The following INO80D variants were observed in gnomAD, a reference collection of about 807,000 sequenced individuals.
INO80D encodes the protein INO80 complex subunit D.
Under a neutral mutation model 87.6 loss-of-function variants are expected in INO80D, and 21 were observed. The ratio of observed to expected loss-of-function variants is 0.24; its 90% CI spans 0.17 to 0.35. INO80D has a LOEUF of 0.35. Among genes scored for constraint, INO80D ranks in the 10% least tolerant of loss-of-function variants. The pLI, the probability that INO80D is intolerant of heterozygous loss-of-function variation, is 1.00. For synonymous variants in INO80D, 440 were observed against 491.0 expected (o/e 0.90, Z 1.37); for missense variants, 982 against 1,280.7 (o/e 0.77, Z 3.56).
chr2:206,058,027 A>T (rs1202711434), intron 3 of INO80D, among the ~76,000 whole-genome samples: 3 of 152,002 alleles, frequency 2.0e-5, no homozygotes, highest in Non-Finnish European at 4.4e-5. Context: ...TGTTGATGTC[A>T]TGTTTTCCTG....
At chr2:206,018,353 C>T (rs1180809386) in intron 7 of INO80D, among the ~76,000 whole-genome samples, 2 of 152,112 alleles carry the variant, frequency 1.3e-5, no homozygotes, top group East Asian at 3.9e-4. Flanking sequence ...ACCATATTGG[C>T]CAGGCTGGTC....
intron 6 of INO80D, among the ~76,000 whole-genome samples, chr2:206,026,871 T>C (rs1038496754): frequency 1.3e-5 from 2 of 152,090 alleles, no homozygotes; most frequent in African/African-American, 4.8e-5. Flanking sequence ...TGGAATATTA[T>C]GTAAACATTA....
chr2:206,025,543 A>AAAAAAAAAAAAAAAAAAAAATATATATC (rs1688591274), intron 6 of INO80D: 1 of 52,082 alleles, frequency 1.9e-5, no homozygotes, highest in Non-Finnish European at 4.2e-5. Flanking sequence ...AAAAAAAAAA[A>AAAAAAAAAAAAAAAAAAAAATATATATC]TATATATATA....
At chr2:206,075,495 G>A (rs1350064038) in intron 1 of INO80D, among the ~76,000 whole-genome samples, 1 of 150,806 alleles carries the variant, frequency 6.6e-6, no homozygotes, top group Non-Finnish European at 1.5e-5. Flanking sequence ...GGAGTGCAGT[G>A]GCACGATGTT....
chr2:206,022,032 T>G (rs1178065280), intron 6 of INO80D, among the ~76,000 whole-genome samples: 2 of 152,150 alleles, frequency 1.3e-5, no homozygotes, highest in Non-Finnish European at 2.9e-5. Flanking sequence ...ATTGGTTTCA[T>G]TTTTTAAACT....
rs1687853906 is a variant in INO80D, at chr2:205,998,809, G to C, written c.*5559C>G. The C allele has an allele frequency of 6.6e-6, 1 of 152,076 alleles. No individual in the cohort carries two copies. Among genetic ancestry groups the C allele is most frequent in the African/African-American group, 2.4e-5 (1 of 41,398 alleles). The allele number at this position is 152,076 out of a possible 1,614,324, so 9.4% of individuals were successfully genotyped here. On this transcript the variant is annotated 3_prime_UTR_variant, in exon 11 of 11. Transcript: ENST00000403263. ...TCTCTTCAATGATGAGTCACCTTTA[G>C]TTTCTTTTAAAACTATTTTCTTATT...
chr2:206,022,886 C>T (rs1318606897), intron 6 of INO80D, among the ~76,000 whole-genome samples: 3 of 152,172 alleles, frequency 2.0e-5, no homozygotes, highest in African/African-American at 7.2e-5. Context: ...GCCACCATGC[C>T]TGGCCAACGA....
intron 5 of INO80D, among the ~76,000 whole-genome samples, chr2:206,046,201 A>C (rs1371951767): frequency 2.0e-5 from 3 of 152,174 alleles, no homozygotes; most frequent in African/African-American, 7.2e-5. Flanking sequence ...AAGTATCAGC[A>C]TATATAGTGG....
chr2:206,080,763 C>G (rs1276461030), intron 1 of INO80D, among the ~76,000 whole-genome samples: 1 of 151,432 alleles, frequency 6.6e-6, no homozygotes, highest in Admixed American at 6.6e-5. Context: ...AAAAATTAGC[C>G]GGGTGTGCGG....
chr2:206,013,435 C>G (rs1410849939), intron 8 of INO80D, among the ~76,000 whole-genome samples: 1 of 151,846 alleles, frequency 6.6e-6, no homozygotes, highest in Non-Finnish European at 1.5e-5. Context: ...ACCTGTAGTC[C>G]CAGTTACTTG....
chr2:206,049,875 T>C (rs998303555), intron 4 of INO80D, among the ~76,000 whole-genome samples: 2 of 152,228 alleles, frequency 1.3e-5, no homozygotes, highest in Admixed American at 6.5e-5. Flanking sequence ...CTCACGCCTG[T>C]AATCCCAGCA....
rs1690405743 is a variant in INO80D at position 206,085,155 on chromosome 2, G to A, written c.-124+746C>T. ...GACCAGGGCTCCCCGGAGAGACAGCGGCCCCCAGTTCGGGCCTAAAAGGAA... is the reference window on the plus strand; with the variant it reads ...GACCAGGGCTCCCCGGAGAGACAGCAGCCCCCAGTTCGGGCCTAAAAGGAA... On this transcript the variant is annotated intron_variant, in intron 1 of 10. Coordinates refer to ENST00000403263, the MANE Select transcript of INO80D (RefSeq NM_017759.5). This position sits in a 1 kb window ranked among gnomAD's most constrained non-coding sequence, Gnocchi z 4.5. Among the ~76,000 whole-genome samples the A allele has an allele frequency of 6.6e-6, 1 of 152,086 alleles. No homozygotes were observed. Among genetic ancestry groups the A allele is most frequent in the Non-Finnish European group, 1.5e-5 (1 of 67,978 alleles).
At chr2:206,016,293 T>C (rs1363709100) in intron 8 of INO80D, among the ~76,000 whole-genome samples, 4 of 152,184 alleles carry the variant, frequency 2.6e-5, no homozygotes. Context: ...GATTTGATTG[T>C]CCACTGGATT....
chr2:206,005,099 G>C lies in INO80D; in HGVS notation c.2353C>G (p.His785Asp). The change falls in exon 11 of 11, where the codon CAT (histidine) becomes GAT (aspartate). Residue 785 changes from histidine to aspartate, a missense_variant. By Grantham distance (81) the His-to-Asp change is moderately conservative. Coordinates refer to ENST00000403263, the MANE Select transcript of INO80D (RefSeq NM_017759.5). Reference protein sequence around the residue: ...LGERAFPGQFHGLHDGSHASQ... With the variant: ...LGERAFPGQFDGLHDGSHASQ... ...GCATGGCTGCCGTCATGAAGTCCAT[G>C]AAACTGTCCTGGGAAGGCTCTCTCC... 6.2e-7 allele frequency: 1 copy of C among 1,613,994 alleles called. No individual in the cohort carries two copies. The highest frequency in any genetic ancestry group is 8.5e-7 in the Non-Finnish European group (1 of 1,179,872).
At position 206,019,833 on chromosome 2, in the gene INO80D, G is replaced by A. The variant is rs781762918; in HGVS notation, c.1311C>T (p.Thr437=). Residue 437 remains threonine, a synonymous_variant, in exon 7 of 11, where the codon ACC becomes ACT. Transcript: ENST00000403263. ...CTGCTGGTTCCACCTCCCTCAGCTT[G>A]GTCCGGCTTATGCTAAGGAAAGAAA... ...AACSRTSISR[T]KLREVEPAAC... The A allele has an allele frequency of 2.7e-5, 44 of 1,613,480 alleles. No homozygotes were observed. Among genetic ancestry groups the A allele is most frequent in the Non-Finnish European group, 1.9e-5 (22 of 1,179,746 alleles).
At chr2:206,038,266 GT>G (rs572162212) in intron 5 of INO80D, among the ~76,000 whole-genome samples, 286 of 152,284 alleles carry the variant, frequency 1.9e-3, no homozygotes, top group African/African-American at 6.7e-3. Context: ...GTCATCTGTT[GT>G]ATTCTATTTT....
chr2:206,037,155 A>G (rs1688916024), intron 5 of INO80D, among the ~76,000 whole-genome samples: 1 of 152,150 alleles, frequency 6.6e-6, no homozygotes, highest in Non-Finnish European at 1.5e-5. Flanking sequence ...CCTACCTCCC[A>G]AGGTTGTTTA....
chr2:206,011,757 T>C (rs1480201403), intron 8 of INO80D, among the ~76,000 whole-genome samples: 1 of 152,230 alleles, frequency 6.6e-6, no homozygotes, highest in Non-Finnish European at 1.5e-5. Context: ...TGAGCATCTC[T>C]GTTCTAAGTG....
At chr2:206,013,563 A>T (rs1688237026) in intron 8 of INO80D, among the ~76,000 whole-genome samples, 1 of 151,876 alleles carries the variant, frequency 6.6e-6, no homozygotes, top group Non-Finnish European at 1.5e-5. Context: ...AAAAAAAAAA[A>T]AAAATTGTTA....
Sources: gnomAD v4.1 joint callset for allele counts (sites outside exome capture counted in the v4.1 genomes callset) on GRCh38, gnomAD v4.1.1 for gene constraint, Gnocchi (gnomAD v3.1) non-coding constraint, MANE v1.5 for transcripts, NCBI Gene and HGNC (gene_info 2026-07-23, HGNC 2026-07-21) for gene names.